Variants in PRDM16 observed in about 807,000 individuals in gnomAD.
PRDM16 encodes histone-lysine N-methyltransferase PRDM16.
In PRDM16, 23 loss-of-function variants were observed where a neutral mutation model predicts 110.6. The ratio of observed to expected loss-of-function variants is 0.21; its 90% CI spans 0.15 to 0.29. The LOEUF is 0.29. Among genes scored for constraint, PRDM16 ranks in the 10% least tolerant of loss-of-function variants. The probability of loss-of-function intolerance (pLI) is 1.00; values close to 1 mark genes in which losing one functional copy is unlikely to be tolerated. For synonymous variants in PRDM16, 799 were observed against 781.8 expected (o/e 1.02, Z -0.37); for missense variants, 1,615 against 1,794.3 (o/e 0.90, Z 1.81).
intron 1 of PRDM16, among the ~76,000 whole-genome samples, chr1:3,105,163 C>T (rs1642625393): frequency 6.6e-6 from 1 of 152,148 alleles, no homozygotes. Flanking sequence ...GCCACAGGCT[C>T]CTCACTGGGG....
In PRDM16 at chr1:3,209,320, C is replaced by T. The variant is rs1405912334; in HGVS notation, c.387+22846C>T. 1.3e-5 allele frequency among the ~76,000 whole-genome samples: 2 copies of T among 152,228 alleles called. No individual in the cohort carries two copies. Among genetic ancestry groups the T allele is most frequent in the African/African-American group, 4.8e-5 (2 of 41,454 alleles). ...ACAGTAACTGTGGGCAGGGACAGCA[C>T]TGCACGTTTGACATCGGGGCACGCA... On this transcript the variant is annotated intron_variant, in intron 2 of 16. Coordinates refer to ENST00000270722, the MANE Select transcript of PRDM16 (RefSeq NM_022114.4). The surrounding 1 kb of genome is among the most constrained non-coding windows in gnomAD (Gnocchi z 4.6).
intron 1 of PRDM16, among the ~76,000 whole-genome samples, chr1:3,162,649 G>A (rs1342898584): frequency 1.3e-5 from 2 of 152,254 alleles, no homozygotes; most frequent in African/African-American, 2.4e-5. Flanking sequence ...CCCGTGCGCC[G>A]ATGGAGGCGA....
intron 3 of PRDM16, among the ~76,000 whole-genome samples, chr1:3,314,530 C>A (rs1443819715): frequency 6.6e-6 from 1 of 152,076 alleles, no homozygotes; most frequent in Admixed American, 6.5e-5. Flanking sequence ...CCTGCTCCAT[C>A]CAGGAGCAAA....
intron 2 of PRDM16, among the ~76,000 whole-genome samples, chr1:3,233,461 G>T (rs1249720374): frequency 6.6e-6 from 1 of 152,212 alleles, no homozygotes; most frequent in African/African-American, 2.4e-5. Flanking sequence ...CACAGTGAGC[G>T]GAATCTGTCC....
At chr1:3,106,619 G>A (rs1054109573) in intron 1 of PRDM16, among the ~76,000 whole-genome samples, 16 of 152,248 alleles carry the variant, frequency 1.1e-4, no homozygotes, top group African/African-American at 3.6e-4. Flanking sequence ...AGAGCTGGCA[G>A]GAACTGGCAA....
intron 4 of PRDM16, among the ~76,000 whole-genome samples, chr1:3,393,982 C>G (rs1023959868): frequency 2.0e-5 from 3 of 152,160 alleles, no homozygotes; most frequent in African/African-American, 7.2e-5. Context: ...GCCCGCGGCC[C>G]GGCGCGCTAG....
intron 2 of PRDM16, among the ~76,000 whole-genome samples, chr1:3,228,256 C>G (rs1302714363): frequency 1.3e-5 from 2 of 152,180 alleles, no homozygotes; most frequent in Non-Finnish European, 2.9e-5. Flanking sequence ...TGCGTTCACT[C>G]GCGATAAACG....
intron 1 of PRDM16, among the ~76,000 whole-genome samples, chr1:3,144,347 G>T (rs1325987707): frequency 1.3e-5 from 2 of 152,182 alleles, no homozygotes; most frequent in East Asian, 3.9e-4. Context: ...TTTGGGAAAG[G>T]CTCCTCCCCA....
rs57169358 is a variant in PRDM16, at chr1:3,225,530, CTGTGTGTGTGTGTGTG to C, written c.388-18528_388-18513del. On this transcript the variant is annotated intron_variant, in intron 2 of 16. Coordinates refer to ENST00000270722, the MANE Select transcript of PRDM16 (RefSeq NM_022114.4). The stretch of plus-strand genomic sequence containing the variant: ...CCTGACCTGATGATGTGCAGCTTGC[CTGTGTGTGTGTGTGTG>C]TGTGTGTGTGTGTGTGTGTGTGTGT... 1.1e-3 allele frequency among the ~76,000 whole-genome samples: 148 copies of C among 139,122 alleles called. 2 individuals carry two copies. Among genetic ancestry groups the C allele is most frequent in the Middle Eastern group, 7.0e-3 (2 of 286 alleles). The allele number at this position is 139,122 out of a possible 152,430, so 91.3% of individuals were successfully genotyped here.
At chr1:3,416,874 C>T (rs979605003) in intron 10 of PRDM16, among the ~76,000 whole-genome samples, 1 of 152,206 alleles carries the variant, frequency 6.6e-6, no homozygotes. Flanking sequence ...AGCCCCTGTG[C>T]AGCCCCCTAC....
chr1:3,380,020 T>C lies in PRDM16; in HGVS notation c.439-5132T>C, dbSNP rs1221343005. Among the ~76,000 whole-genome samples the C allele has an allele frequency of 2.4e-5, 2 of 84,330 alleles. 1 individual carries two copies. The highest frequency in any genetic ancestry group is 1.0e-4 in the African/African-American group (2 of 19,682). 55.3% of individuals were successfully genotyped at this position (84,330 alleles called of 152,430 possible). A position where few individuals can be genotyped will look rare whatever the true frequency, so the allele number is the denominator to read the frequency against. On this transcript the variant is annotated intron_variant, in intron 3 of 16. Transcript: ENST00000270722. The stretch of plus-strand genomic sequence containing the variant: ...TCCCAGCACACCCCTCCCAGTGCAA[T>C]CCCTCACCATGCACCCCTCCCAACA...
chr1:3,283,997 T>C (rs115426402), intron 3 of PRDM16, among the ~76,000 whole-genome samples: 14,550 of 152,252 alleles, frequency 0.096, 931 homozygotes, highest in Middle Eastern at 0.17. Flanking sequence ...GCTGGGGGCC[T>C]GGCCTGTGGT....
At chr1:3,123,086 G>A (rs983706163) in intron 1 of PRDM16, among the ~76,000 whole-genome samples, 6 of 152,214 alleles carry the variant, frequency 3.9e-5, no homozygotes, top group Non-Finnish European at 5.9e-5. Context: ...TGAAGAGCCC[G>A]AGGGCTGGAT....
chr1:3,360,194 T>C (rs1007911543), intron 3 of PRDM16, among the ~76,000 whole-genome samples: 4 of 152,216 alleles, frequency 2.6e-5, no homozygotes, highest in Admixed American at 6.5e-5. Context: ...GGACACGTTT[T>C]CTGTGGCAGC....
Position 3,413,740 on chromosome 1 carries a change from A to G in PRDM16, c.2604-820A>G, listed in dbSNP as rs189897232. Among the ~76,000 whole-genome samples, 304 of 152,244 alleles carry G rather than the reference A, an allele frequency of 2.0e-3. 1 individual carries two copies. Among genetic ancestry groups the G allele is most frequent in the African/African-American group, 6.7e-3 (278 of 41,548 alleles). On this transcript the variant is annotated intron_variant, in intron 9 of 16. Coordinates refer to ENST00000270722, the MANE Select transcript of PRDM16 (RefSeq NM_022114.4). ...GAGGCTCCCAAATCTAACCCTCACT[A>G]TGGGAACCCAGGCAGACAGAGAAGA...
chr1:3,081,749 G>A lies in PRDM16; in HGVS notation c.37+12453G>A, dbSNP rs12745140. Among the ~76,000 whole-genome samples, 10,929 of 152,164 alleles carry A rather than the reference G, an allele frequency of 0.072. 574 individuals are homozygous for A. Among genetic ancestry groups the A allele is most frequent in the Middle Eastern group, 0.14 (41 of 294 alleles). ...TGGGTAGAGCCTGGCCACAGGGCAC[G>A]TGGGAGGCCCCCATGGAAGGCCCGT... On this transcript the variant is annotated intron_variant, in intron 1 of 16. Transcript: ENST00000270722. This position sits in a 1 kb window ranked among gnomAD's most constrained non-coding sequence, Gnocchi z 4.6.
Position 3,245,321 on chromosome 1 carries a change from C to T in PRDM16, c.438+1184C>T, listed in dbSNP as rs926568020. Among the ~76,000 whole-genome samples the T allele has an allele frequency of 6.6e-6, 1 of 152,156 alleles. No individual in the cohort carries two copies. Among genetic ancestry groups the T allele is most frequent in the African/African-American group, 2.4e-5 (1 of 41,444 alleles). On this transcript the variant is annotated intron_variant, in intron 3 of 16. Coordinates refer to ENST00000270722, the MANE Select transcript of PRDM16 (RefSeq NM_022114.4). This position sits in a 1 kb window ranked among gnomAD's most constrained non-coding sequence, Gnocchi z 4.7. Reference sequence around the variant, plus strand: ...CCTGCCAAACTCCCAGTCTCTGAGCCGAGGCATTTGGGCAGAGCTGCCTAC... The same window carrying T: ...CCTGCCAAACTCCCAGTCTCTGAGCTGAGGCATTTGGGCAGAGCTGCCTAC...
At chr1:3,328,193 C>A (rs886722679) in intron 3 of PRDM16, among the ~76,000 whole-genome samples, 50 of 152,258 alleles carry the variant, frequency 3.3e-4, no homozygotes, top group African/African-American at 1.2e-3. Flanking sequence ...GGCACCACAG[C>A]CCTGTCCACA....
intron 1 of PRDM16, among the ~76,000 whole-genome samples, chr1:3,106,623 C>G (rs116495192): frequency 0.016 from 2,367 of 152,190 alleles, 63 homozygotes; most frequent in African/African-American, 0.053. Flanking sequence ...CTGGCAGGAA[C>G]TGGCAATGAA....
Sources: gnomAD v4.1 joint callset for allele counts (sites outside exome capture counted in the v4.1 genomes callset) on GRCh38, gnomAD v4.1.1 for gene constraint, Gnocchi (gnomAD v3.1) non-coding constraint, MANE v1.5 for transcripts, NCBI Gene and HGNC (gene_info 2026-07-23, HGNC 2026-07-21) for gene names.